The following NF2 variants were observed in gnomAD, a reference collection of about 807,000 sequenced individuals.
The protein encoded by NF2 is NF2, moesin-ezrin-radixin like (MERLIN) tumor suppressor.
In NF2, 8 loss-of-function variants were observed where a neutral mutation model predicts 83.7. That is an observed-to-expected ratio of 0.10 (90% confidence interval 0.06 to 0.17). NF2 has a LOEUF of 0.17. Ranked by LOEUF, NF2 falls within the 10% of genes least tolerant of loss-of-function variation. The probability of loss-of-function intolerance (pLI) is 1.00; values close to 1 mark genes in which losing one functional copy is unlikely to be tolerated. For missense variants in NF2, 533 were observed against 744.4 expected, an observed-to-expected ratio of 0.72 and a Z score of 3.31; for synonymous variants, 266 against 269.6, an observed-to-expected ratio of 0.99 and a Z score of 0.13.
At chr22:29,649,068 T>C (rs2066066568) in intron 4 of NF2, among the ~76,000 whole-genome samples, 1 of 152,026 alleles carries the variant, frequency 6.6e-6, no homozygotes, top group African/African-American at 2.4e-5. Context: ...ATGGATAATA[T>C]CTCTCTATAA....
intron 15 of NF2, among the ~76,000 whole-genome samples, chr22:29,689,349 C>T (rs1333083186): frequency 6.6e-6 from 1 of 152,096 alleles, no homozygotes; most frequent in Non-Finnish European, 1.5e-5. Context: ...ATTCAGCTGT[C>T]ACCTTTCTGC....
intron 15 of NF2, chr22:29,683,871 G>A (rs1376149379): frequency 6.7e-6 from 7 of 1,052,258 alleles, no homozygotes; most frequent in Non-Finnish European, 8.0e-6. Context: ...CTAGGCAGTG[G>A]AGAGAATGTA....
chr22:29,642,716 A>G (rs1337214552), intron 4 of NF2, among the ~76,000 whole-genome samples: 7 of 151,998 alleles, frequency 4.6e-5, no homozygotes, highest in Admixed American at 2.0e-4. Flanking sequence ...ATGGTCTCCA[A>G]TTTTAGCCAA....
At chr22:29,603,610 C>A, upstream of NF2, 1 of 398,174 alleles carries the variant, frequency 2.5e-6, no homozygotes, top group African/African-American at 2.1e-5. Flanking sequence ...CGCGCGCGTA[C>A]GCGCCCGATG....
chr22:29,604,624 G>A (rs1390255611), intron 1 of NF2, among the ~76,000 whole-genome samples: 1 of 152,148 alleles, frequency 6.6e-6, no homozygotes, highest in African/African-American at 2.4e-5. Context: ...CAAAGTGCTA[G>A]ACATTTGCAC....
chr22:29,691,502 A>C (rs2067402378), intron 15 of NF2, among the ~76,000 whole-genome samples: 1 of 152,236 alleles, frequency 6.6e-6, no homozygotes, highest in African/African-American at 2.4e-5. Flanking sequence ...GGGAACCAGG[A>C]AACTTGTTAG....
intron 1 of NF2, among the ~76,000 whole-genome samples, chr22:29,625,434 ACATT>A (rs2065343149): frequency 6.6e-6 from 1 of 152,172 alleles, no homozygotes; most frequent in Admixed American, 6.5e-5. Flanking sequence ...CTGTCCAAGA[ACATT>A]TTTGCTGCTT....
chr22:29,638,032 G>A (rs1392527749), intron 2 of NF2, among the ~76,000 whole-genome samples: 1 of 152,194 alleles, frequency 6.6e-6, no homozygotes, highest in East Asian at 1.9e-4. Flanking sequence ...TAGACTGGGG[G>A]CATCAGGAGC....
In NF2 at chr22:29,642,427, G is replaced by C. The variant is rs554361897; in HGVS notation, c.447+142G>C. On this transcript the variant is annotated intron_variant, in intron 4 of 15. Transcript: ENST00000338641. ...GAGATGTTATGGGACTTGTGGACTTGAAGAACCACTGTCACTGTTCCAGTG... is the reference window on the plus strand; with the variant it reads ...GAGATGTTATGGGACTTGTGGACTTCAAGAACCACTGTCACTGTTCCAGTG... The C allele has an allele frequency of 2.4e-5, 17 of 717,532 alleles. No individual in the cohort carries two copies. The South Asian group carries it at 2.4e-4, about 10-fold the overall frequency. The allele number at this position is 717,532 out of a possible 1,614,324, so 44.4% of individuals were successfully genotyped here. A position where few individuals can be genotyped will look rare whatever the true frequency, so the allele number is the denominator to read the frequency against.
intron 4 of NF2, among the ~76,000 whole-genome samples, chr22:29,647,547 C>T (rs921086828): frequency 6.6e-6 from 1 of 152,086 alleles, no homozygotes; most frequent in South Asian, 2.1e-4. Flanking sequence ...GTGATAGTTG[C>T]CCTGGTGAGA....
intron 1 of NF2, among the ~76,000 whole-genome samples, chr22:29,621,265 C>T (rs2146762491): frequency 6.6e-6 from 1 of 152,340 alleles, no homozygotes. Context: ...TGATTCCTGG[C>T]TCTGCCTCTA....
Position 29,609,037 on chromosome 22 carries a change from GT to G in NF2, c.114+4926del, listed in dbSNP as rs2064879962. 4.2e-6 allele frequency: 3 copies of G among 715,798 alleles called. No individual in the cohort carries two copies. In the South Asian group the frequency reaches 4.4e-5, roughly 11 times the overall value. 44.3% of individuals were successfully genotyped at this position (715,798 alleles called of 1,614,324 possible). A position where few individuals can be genotyped will look rare whatever the true frequency, so the allele number is the denominator to read the frequency against. ...AATGGATGAACATGCATGTGATGGT[GT>G]CCAAGCCAGAACAGTGGGTAAAGCC... On this transcript the variant is annotated intron_variant, in intron 1 of 15. Coordinates refer to ENST00000338641, the MANE Select transcript of NF2 (RefSeq NM_000268.4).
chr22:29,643,441 TC>T (rs2065871122), intron 4 of NF2, among the ~76,000 whole-genome samples: 1 of 152,138 alleles, frequency 6.6e-6, no homozygotes, highest in African/African-American at 2.4e-5. Flanking sequence ...CCTGCGGACT[TC>T]CGCAGCGTTT....
chr22:29,646,695 A>G (rs1317170493), intron 4 of NF2, among the ~76,000 whole-genome samples: 1 of 152,208 alleles, frequency 6.6e-6, no homozygotes, highest in Non-Finnish European at 1.5e-5. Flanking sequence ...TAAATACAAT[A>G]CTAATCACAT....
At chr22:29,683,039 G>C in intron 15 of NF2, 1 of 1,614,194 alleles carries the variant, frequency 6.2e-7, no homozygotes, top group South Asian at 1.1e-5. Context: ...CAAGGCAGAA[G>C]ACCTATCTGC....
intron 14 of NF2, among the ~76,000 whole-genome samples, chr22:29,680,813 A>T (rs1048030351): frequency 6.6e-6 from 1 of 151,864 alleles, no homozygotes; most frequent in Non-Finnish European, 1.5e-5. Context: ...CTTTGAGACC[A>T]GGGGTTCAAA....
chr22:29,642,309 A>C (rs1377867133), intron 4 of NF2, 24 bp downstream of exon 4: 12 of 1,603,058 alleles, frequency 7.5e-6, no homozygotes, highest in Non-Finnish European at 1.0e-5. Flanking sequence ...AGAAAAATGT[A>C]TTTTTCCTGG....
At chr22:29,684,374 T>G (rs547355506) in intron 15 of NF2, among the ~76,000 whole-genome samples, 4 of 136,210 alleles carry the variant, frequency 2.9e-5, no homozygotes, top group Non-Finnish European at 5.2e-5. Flanking sequence ...CTTGGTTTAC[T>G]GAACTTTTTG....
At chr22:29,659,844 A>G (rs1028949257) in intron 7 of NF2, among the ~76,000 whole-genome samples, 4 of 152,206 alleles carry the variant, frequency 2.6e-5, no homozygotes, top group African/African-American at 9.7e-5. Flanking sequence ...CCTCACTTCT[A>G]TTAATGCAGT....
Sources: allele counts gnomAD v4.1 joint callset (sites outside exome capture counted in the v4.1 genomes callset), GRCh38; gene constraint gnomAD v4.1.1; transcripts MANE v1.5; gene names NCBI Gene and HGNC (gene_info 2026-07-23, HGNC 2026-07-21).